The following PTPRD variants were observed in gnomAD, a reference collection of about 807,000 sequenced individuals.
PTPRD encodes the protein receptor-type tyrosine-protein phosphatase delta.
A neutral mutation model predicts 214.5 loss-of-function variants in PTPRD; 34 were observed. The observed-to-expected ratio is 0.16, with a 90% CI of 0.12 to 0.21. PTPRD has a LOEUF of 0.21. Among genes scored for constraint, PTPRD ranks in the 10% least tolerant of loss-of-function variants. The pLI is 1.00. For synonymous variants in PTPRD, 1,128 were observed against 845.7 expected (o/e 1.33, Z -5.79); for missense variants, 2,545 against 2,398.7 (o/e 1.06, Z -1.27).
chr9:10,367,607 G>C (rs961228543), intron 2 of PTPRD, among the ~76,000 whole-genome samples: 1 of 152,134 alleles, frequency 6.6e-6, no homozygotes, highest in South Asian at 2.1e-4. Context: ...AGAATTAAAG[G>C]AGATAAGTCA....
chr9:10,503,208 C>CAAAACA (rs1555437405), intron 2 of PTPRD, among the ~76,000 whole-genome samples: 3 of 118,482 alleles, frequency 2.5e-5, no homozygotes, highest in African/African-American at 9.0e-5. Flanking sequence ...AAAAAAAAAA[C>CAAAACA]AAAAAAAAAC....
intron 7 of PTPRD, among the ~76,000 whole-genome samples, chr9:9,680,569 A>C (rs148785574): frequency 1.3e-5 from 2 of 151,914 alleles, no homozygotes; most frequent in African/African-American, 4.8e-5. Context: ...AAATTGTTGA[A>C]ACTTAAAGAA....
At chr9:10,088,620 G>A (rs1156920161) in intron 3 of PTPRD, among the ~76,000 whole-genome samples, 1 of 151,714 alleles carries the variant, frequency 6.6e-6, no homozygotes, top group East Asian at 1.9e-4. Flanking sequence ...AACACAAAAT[G>A]TCTGCAATGT....
chr9:9,901,288 G>C (rs964546880), intron 5 of PTPRD, among the ~76,000 whole-genome samples: 1 of 152,086 alleles, frequency 6.6e-6, no homozygotes, highest in African/African-American at 2.4e-5. Context: ...AATTTTCAGA[G>C]TTCATTAATG....
intron 2 of PTPRD, among the ~76,000 whole-genome samples, chr9:10,566,921 T>G (rs905870599): frequency 6.6e-6 from 1 of 152,116 alleles, no homozygotes; most frequent in Non-Finnish European, 1.5e-5. Flanking sequence ...AAAACATTTC[T>G]TTTCATTTTC....
intron 14 of PTPRD, among the ~76,000 whole-genome samples, chr9:8,530,519 T>C (rs1335745376): frequency 6.6e-6 from 1 of 152,140 alleles, no homozygotes; most frequent in East Asian, 1.9e-4. Flanking sequence ...CACTGTCTTG[T>C]ACTTATTAAC....
chr9:9,286,898 A>T (rs374429326), intron 9 of PTPRD, among the ~76,000 whole-genome samples: 8 of 21,744 alleles, frequency 3.7e-4, no homozygotes, highest in African/African-American at 7.7e-4. Context: ...ATATATATAT[A>T]TATATATATA....
At chr9:8,686,268 T>C (rs2097679094) in intron 12 of PTPRD, among the ~76,000 whole-genome samples, 1 of 152,160 alleles carries the variant, frequency 6.6e-6, no homozygotes, top group African/African-American at 2.4e-5. Context: ...GGAGGCAAAA[T>C]TGGCCAAGTA....
At chr9:10,377,450 C>A (rs1390153109) in intron 2 of PTPRD, among the ~76,000 whole-genome samples, 2 of 151,868 alleles carry the variant, frequency 1.3e-5, no homozygotes, top group African/African-American at 2.4e-5. Flanking sequence ...CTCCCCCCAC[C>A]CCACAACAGG....
intron 39 of PTPRD, among the ~76,000 whole-genome samples, chr9:8,343,936 A>C (rs1048057398): frequency 2.3e-4 from 35 of 152,104 alleles, no homozygotes; most frequent in Admixed American, 2.2e-3. Context: ...GTTTGGAATT[A>C]TGTAAGGAGT....
intron 3 of PTPRD, among the ~76,000 whole-genome samples, chr9:10,322,409 CT>C (rs2096568960): frequency 6.6e-6 from 1 of 152,034 alleles, no homozygotes; most frequent in Admixed American, 6.6e-5. Context: ...CCAAATCTGA[CT>C]ATTTCACACA....
chr9:8,995,357 T>A (rs2099392508), intron 11 of PTPRD, among the ~76,000 whole-genome samples: 1 of 152,070 alleles, frequency 6.6e-6, no homozygotes, highest in South Asian at 2.1e-4. Context: ...TGTAAAAGAA[T>A]CACATTTTCC....
intron 39 of PTPRD, among the ~76,000 whole-genome samples, chr9:8,359,562 G>T (rs987948685): frequency 2.0e-5 from 3 of 152,076 alleles, no homozygotes; most frequent in African/African-American, 7.2e-5. Flanking sequence ...TGGAATTCCT[G>T]GTCTCAAGTA....
intron 12 of PTPRD, among the ~76,000 whole-genome samples, chr9:8,651,002 T>C (rs898154439): frequency 4.6e-5 from 7 of 152,168 alleles, no homozygotes; most frequent in Non-Finnish European, 8.8e-5. Context: ...CAATAACATT[T>C]TGTAGGATAT....
intron 11 of PTPRD, among the ~76,000 whole-genome samples, chr9:8,958,263 G>C (rs900669441): frequency 6.6e-6 from 1 of 151,826 alleles, no homozygotes; most frequent in African/African-American, 2.4e-5. Flanking sequence ...TTCTCTCTCT[G>C]TCTGAACAAG....
intron 2 of PTPRD, among the ~76,000 whole-genome samples, chr9:10,405,399 T>C (rs189265916): frequency 1.3e-4 from 20 of 151,800 alleles, no homozygotes; most frequent in African/African-American, 4.6e-4. Flanking sequence ...AAGTAAACTT[T>C]CTGGTCCTGG....
chr9:9,947,608 T>A (rs1381664519), intron 4 of PTPRD, among the ~76,000 whole-genome samples: 8 of 59,056 alleles, frequency 1.4e-4, no homozygotes, highest in South Asian at 8.6e-4. Flanking sequence ...TATATATATT[T>A]TATATATATA....
At chr9:10,257,411 A>C (rs1007318034) in intron 3 of PTPRD, among the ~76,000 whole-genome samples, 1 of 152,170 alleles carries the variant, frequency 6.6e-6, no homozygotes, top group African/African-American at 2.4e-5. Flanking sequence ...CATCCTTCTG[A>C]GCAAAATTGC....
chr9:10,558,033 A>C (rs2063020522), intron 2 of PTPRD, among the ~76,000 whole-genome samples: 1 of 152,112 alleles, frequency 6.6e-6, no homozygotes, highest in Admixed American at 6.6e-5. Context: ...CTGCATTTTC[A>C]TTTCATACTG....
Sources: allele counts gnomAD v4.1 joint callset (sites outside exome capture counted in the v4.1 genomes callset), GRCh38; gene constraint gnomAD v4.1.1; transcripts MANE v1.5; gene names NCBI Gene and HGNC (gene_info 2026-07-23, HGNC 2026-07-21).